FMN1: variants seen among roughly 807,000 people sequenced by gnomAD.
The protein encoded by FMN1 is formin-1.
A neutral mutation model predicts 132.4 loss-of-function variants in FMN1; 110 were observed. That is an observed-to-expected ratio of 0.83 (90% CI 0.71 to 0.97). FMN1 has a LOEUF of 0.97. Among genes scored for constraint, FMN1 ranks in the 50% least tolerant of loss-of-function variants. The pLI is 0.00. For synonymous variants in FMN1, 722 were observed against 651.7 expected, an observed-to-expected ratio of 1.11 and a Z score of -1.64; for missense variants, 1,792 against 1,705.3, an observed-to-expected ratio of 1.05 and a Z score of -0.90.
At chr15:32,857,134 T>A (rs761416884) in intron 16 of FMN1, 27 bp from the exon 17 acceptor site, 26 of 1,568,924 alleles carry the variant, frequency 1.7e-5, no homozygotes. Flanking sequence ...AGAATTAGAC[T>A]TAGGAACACA....
chr15:33,026,943 T>A (rs981242414), intron 6 of FMN1, among the ~76,000 whole-genome samples: 2 of 152,174 alleles, frequency 1.3e-5, no homozygotes, highest in African/African-American at 4.8e-5. Flanking sequence ...CCTCTAAGAA[T>A]AAGGTCCTAT....
rs2056147758 is a variant in FMN1, at chr15:32,769,239, G to C, written c.*5071C>G. 6.6e-6 allele frequency: 1 copy of C among 152,192 alleles called. No individual in the cohort carries two copies. Among genetic ancestry groups the C allele is most frequent in the Admixed American group, 6.5e-5 (1 of 15,280 alleles). 9.4% of individuals were successfully genotyped at this position (152,192 alleles called of 1,614,324 possible). A position where few individuals can be genotyped will look rare whatever the true frequency, so the allele number is the denominator to read the frequency against. On this transcript the variant is annotated 3_prime_UTR_variant, in exon 21 of 21. Coordinates refer to ENST00000616417, the MANE Select transcript of FMN1 (RefSeq NM_001277313.2). ...AACTTTATATCACAGTATTGGTTAAGAGTCTTGGAACAAATAAGGATACTG... is the reference window on the plus strand; with the variant it reads ...AACTTTATATCACAGTATTGGTTAACAGTCTTGGAACAAATAAGGATACTG...
At chr15:33,109,835 A>T (rs2039629301) in intron 4 of FMN1, among the ~76,000 whole-genome samples, 1 of 129,992 alleles carries the variant, frequency 7.7e-6, no homozygotes, top group Non-Finnish European at 1.8e-5. Context: ...ATCTAAAATG[A>T]AAGTTAAAAA....
At position 33,160,530 on chromosome 15, in the gene FMN1, G is replaced by A. The variant is rs142825268; in HGVS notation, c.-131-5485C>T. ...CACATATTTTTCATCCAAGAAACCA[G>A]AGGAAAAAGAGCAGTAAGTCCTAAG... On this transcript the variant is annotated intron_variant, in intron 3 of 20. Transcript: ENST00000616417. 1.2e-3 allele frequency among the ~76,000 whole-genome samples: 186 copies of A among 152,220 alleles called. 1 individual carries two copies. The highest frequency in any genetic ancestry group is 1.3e-3 in the Admixed American group (20 of 15,296).
chr15:33,108,545 G>A (rs1217190143), intron 4 of FMN1, among the ~76,000 whole-genome samples: 4 of 152,016 alleles, frequency 2.6e-5, no homozygotes, highest in Admixed American at 6.6e-5. Flanking sequence ...GAGGCCTGGA[G>A]AAACTGAACT....
intron 17 of FMN1, among the ~76,000 whole-genome samples, chr15:32,856,299 T>C (rs1241441492): frequency 6.6e-6 from 1 of 152,222 alleles, no homozygotes; most frequent in Non-Finnish European, 1.5e-5. Flanking sequence ...CCCACACTTA[T>C]TTTTGTTTTA....
intron 9 of FMN1, among the ~76,000 whole-genome samples, chr15:32,951,421 TGG>T (rs1430235511): frequency 1.3e-5 from 1 of 74,962 alleles, no homozygotes; most frequent in Non-Finnish European, 2.8e-5. Flanking sequence ...TGCGCCCCAG[TGG>T]GACACACACA....
At chr15:32,775,044 G>A (rs1245606054) in intron 20 of FMN1, among the ~76,000 whole-genome samples, 1 of 152,178 alleles carries the variant, frequency 6.6e-6, no homozygotes, top group Non-Finnish European at 1.5e-5. Flanking sequence ...TGGTGTGCCT[G>A]CTCTGGGAGG....
chr15:32,931,625 A>G (rs147970532), intron 9 of FMN1, among the ~76,000 whole-genome samples: 1 of 152,316 alleles, frequency 6.6e-6, no homozygotes, highest in African/African-American at 2.4e-5. Flanking sequence ...GGTTTTCTAC[A>G]TATAAGATCA....
At chr15:33,048,588 T>C (rs2036800011) in intron 6 of FMN1, among the ~76,000 whole-genome samples, 1 of 139,896 alleles carries the variant, frequency 7.1e-6, no homozygotes, top group African/African-American at 2.6e-5. Context: ...TTAGTCTGTT[T>C]TCATGCTGCT....
chr15:33,173,790 G>C (rs11856718), intron 3 of FMN1, among the ~76,000 whole-genome samples: 12,241 of 152,204 alleles, frequency 0.08, 734 homozygotes, highest in African/African-American at 0.16. Flanking sequence ...TTAGCCAGGC[G>C]TGGTGGCAGG....
intron 5 of FMN1, chr15:33,067,551 C>A: frequency 1.2e-6 from 2 of 1,613,930 alleles, no homozygotes; most frequent in Non-Finnish European, 1.7e-6. Flanking sequence ...GATGTCCCTG[C>A]TTCTTTTCTC....
chr15:32,836,150 T>C (rs1477346273), intron 17 of FMN1, among the ~76,000 whole-genome samples: 1 of 152,152 alleles, frequency 6.6e-6, no homozygotes, highest in Non-Finnish European at 1.5e-5. Flanking sequence ...TGTGAGCGAC[T>C]GCTCACAGCT....
At chr15:33,023,109 T>A (rs867552247) in intron 6 of FMN1, among the ~76,000 whole-genome samples, 27 of 134,058 alleles carry the variant, frequency 2.0e-4, no homozygotes, top group Non-Finnish European at 3.1e-5. Flanking sequence ...AATCCATCTA[T>A]CCCTGTCACC....
intron 6 of FMN1, chr15:33,012,571 T>G (rs1299624074): frequency 4.2e-6 from 6 of 1,436,466 alleles, no homozygotes; most frequent in Non-Finnish European, 5.8e-6. Context: ...CTTTGTAACC[T>G]TTGACAACCA....
At chr15:33,035,455 G>C (rs1334960084) in intron 6 of FMN1, among the ~76,000 whole-genome samples, 1 of 152,154 alleles carries the variant, frequency 6.6e-6, no homozygotes, top group Non-Finnish European at 1.5e-5. Context: ...GCTCTGCACT[G>C]CTTCTGGGAG....
At chr15:33,086,669 T>TA (rs1225974615) in intron 5 of FMN1, among the ~76,000 whole-genome samples, 3 of 152,216 alleles carry the variant, frequency 2.0e-5, no homozygotes, top group African/African-American at 7.2e-5. Flanking sequence ...AAATGCAACT[T>TA]AAAGTAATTG....
intron 6 of FMN1, among the ~76,000 whole-genome samples, chr15:33,017,258 C>G (rs1002907470): frequency 5.3e-5 from 8 of 152,114 alleles, no homozygotes; most frequent in Admixed American, 6.5e-5. Context: ...ACGGGTCATA[C>G]ATTATTCAAA....
intron 17 of FMN1, among the ~76,000 whole-genome samples, chr15:32,850,540 G>A (rs890772796): frequency 6.6e-6 from 1 of 152,100 alleles, no homozygotes; most frequent in African/African-American, 2.4e-5. Flanking sequence ...AAAACCCAAG[G>A]AGGAGGAAAA....
Sources: gnomAD v4.1 joint callset for allele counts (sites outside exome capture counted in the v4.1 genomes callset) on GRCh38, gnomAD v4.1.1 for gene constraint, MANE v1.5 for transcripts, NCBI Gene and HGNC (gene_info 2026-07-23, HGNC 2026-07-21) for gene names.